Variants in ATP11A observed in about 807,000 individuals in gnomAD.
The protein encoded by ATP11A is phospholipid-transporting ATPase IH.
ATP11A carries 81 observed loss-of-function variants against 154.4 expected under a neutral mutation model. That is an observed-to-expected ratio of 0.52 (90% CI 0.44 to 0.63). The LOEUF (loss-of-function observed/expected upper bound fraction) is 0.63, where lower values mean the gene tolerates loss of function less well. ATP11A is among the 30% of genes least tolerant of loss of function. The probability of loss-of-function intolerance (pLI) is 0.00; values close to 1 mark genes in which losing one functional copy is unlikely to be tolerated. For missense variants in ATP11A, 1,316 were observed against 1,474.3 expected (o/e 0.89, Z 1.76); for synonymous variants, 623 against 585.9 (o/e 1.06, Z -0.91).
At chr13:112,832,556 C>T (rs999849772) in intron 13 of ATP11A, among the ~76,000 whole-genome samples, 4 of 152,304 alleles carry the variant, frequency 2.6e-5, no homozygotes, top group African/African-American at 4.8e-5. Context: ...CCTTCCTGGA[C>T]GCTAGCGGTC....
intron 19 of ATP11A, 122 bp from the exon 20 acceptor site, chr13:112,855,786 CAAG>C: frequency 1.2e-6 from 1 of 851,856 alleles, no homozygotes; most frequent in Non-Finnish European, 1.8e-6. Flanking sequence ...ATTGGTAAAA[CAAG>C]AAACACTAGT....
intron 17 of ATP11A, among the ~76,000 whole-genome samples, chr13:112,847,879 A>T (rs2079651809): frequency 6.6e-6 from 1 of 152,232 alleles, no homozygotes; most frequent in Non-Finnish European, 1.5e-5. Flanking sequence ...TGAGGCCAGA[A>T]GTTTGAGACC....
At chr13:112,835,986 G>C (rs1264693143) in intron 15 of ATP11A, among the ~76,000 whole-genome samples, 192 bp from the exon 16 acceptor site, 1 of 152,220 alleles carries the variant, frequency 6.6e-6, no homozygotes, top group Non-Finnish European at 1.5e-5. Context: ...GGGTACACCT[G>C]CTGCGTCCTT....
intron 1 of ATP11A, among the ~76,000 whole-genome samples, chr13:112,713,318 C>G: frequency 6.6e-6 from 1 of 152,148 alleles, no homozygotes. Flanking sequence ...TTGCTTGAAC[C>G]TGGGAGGCGG....
At chr13:112,800,666 A>G (rs2078109985) in intron 2 of ATP11A, among the ~76,000 whole-genome samples, 1 of 152,192 alleles carries the variant, frequency 6.6e-6, no homozygotes, top group Non-Finnish European at 1.5e-5. Flanking sequence ...GCATTACCCT[A>G]AAACCAAAAC....
At chr13:112,777,897 C>T (rs964908104) in intron 1 of ATP11A, among the ~76,000 whole-genome samples, 10 of 152,242 alleles carry the variant, frequency 6.6e-5, no homozygotes, top group African/African-American at 9.6e-5. Context: ...TCTCCCCCAA[C>T]GCCAGATGTG....
At chr13:112,819,768 G>T (rs1040270453) in intron 7 of ATP11A, 132 bp from the exon 8 acceptor site, 2 of 871,258 alleles carry the variant, frequency 2.3e-6, no homozygotes, top group Non-Finnish European at 3.7e-6. Context: ...GGGCTGGAGC[G>T]GGGCTGCTTT....
intron 1 of ATP11A, among the ~76,000 whole-genome samples, chr13:112,775,245 C>T (rs78284066): frequency 2.3e-3 from 347 of 152,364 alleles, no homozygotes; most frequent in Middle Eastern, 0.017. Flanking sequence ...TGGCAGAACA[C>T]GGCGTGAAGC....
intron 1 of ATP11A, among the ~76,000 whole-genome samples, chr13:112,692,131 C>A (rs564474988): frequency 2.1e-4 from 32 of 152,318 alleles, no homozygotes; most frequent in African/African-American, 7.7e-4. Context: ...TGGGCGGAAG[C>A]TTCTGTTCTC....
In ATP11A at chr13:112,854,483, G is replaced by A; in HGVS notation, c.2196G>A (p.Lys732=). Residue 732 remains lysine (K), a synonymous_variant, in exon 19 of 30, where the codon AAG becomes AAA. Transcript: ENST00000375645. ...ACGACGTCCTGTTCGAGCTGAGCAA[G>A]ACGGTCCTGCGCCACAGCGGGAGCC... is the stretch of plus-strand genomic sequence containing the variant. ...SLHDVLFELS[K]TVLRHSGSLT... 2 of 1,612,456 alleles carry A rather than the reference G, an allele frequency of 1.2e-6. No individual in the cohort carries two copies. Among genetic ancestry groups the A allele is most frequent in the Non-Finnish European group, 1.7e-6 (2 of 1,180,032 alleles).
chr13:112,744,423 G>A (rs971064881), intron 1 of ATP11A, among the ~76,000 whole-genome samples: 4 of 152,200 alleles, frequency 2.6e-5, no homozygotes, highest in Admixed American at 2.6e-4. Flanking sequence ...GTGTGTTGAT[G>A]GATTTCTCTG....
At chr13:112,705,594 C>T (rs1029744981) in intron 1 of ATP11A, among the ~76,000 whole-genome samples, 23 of 152,152 alleles carry the variant, frequency 1.5e-4, no homozygotes, top group Non-Finnish European at 1.3e-4. Flanking sequence ...GACGGGAAGC[C>T]GGCAGGGACC....
intron 1 of ATP11A, among the ~76,000 whole-genome samples, chr13:112,693,466 G>A (rs190490248): frequency 7.8e-4 from 118 of 151,390 alleles, no homozygotes; most frequent in African/African-American, 2.8e-3. Context: ...CTGTGGGTAC[G>A]GGGAGAGGGG....
chr13:112,833,142 A>T lies in ATP11A; in HGVS notation c.1559+119A>T. 6.1e-6 allele frequency: 8 copies of T among 1,305,304 alleles called. No homozygotes were observed. In the South Asian group the frequency reaches 1.0e-4, roughly 16 times the overall value. The allele number at this position is 1,305,304 out of a possible 1,614,324, so 80.9% of individuals were successfully genotyped here. A position where few individuals can be genotyped will look rare whatever the true frequency, so the allele number is the denominator to read the frequency against. ...GCCCCACCCTGTGCCCTCCACACTG[A>T]GCTGTGCTGCCTTTGCACCCAGCTT... On this transcript the variant is annotated intron_variant, in intron 14 of 29. Coordinates refer to ENST00000375645, the MANE Select transcript of ATP11A (RefSeq NM_015205.3).
At chr13:112,804,901 C>T in intron 2 of ATP11A, 56 bp from the exon 3 acceptor site, 1 of 1,115,488 alleles carries the variant, frequency 9.0e-7, no homozygotes, top group Non-Finnish European at 1.3e-6. Flanking sequence ...CCTAGAGTAA[C>T]ACTACAAGAG....
intron 1 of ATP11A, among the ~76,000 whole-genome samples, chr13:112,758,282 G>A (rs2076887788): frequency 2.0e-5 from 3 of 151,812 alleles, no homozygotes; most frequent in South Asian, 2.1e-4. Context: ...GGCTGGTCTC[G>A]AACTCCTGAC....
intron 1 of ATP11A, among the ~76,000 whole-genome samples, chr13:112,771,408 C>T (rs1028044034): frequency 2.0e-5 from 3 of 152,218 alleles, no homozygotes; most frequent in South Asian, 4.1e-4. Flanking sequence ...ACTGTATTTG[C>T]GCTGGTGGGA....
In ATP11A at chr13:112,834,645, A is replaced by C. The variant is rs777303918; in HGVS notation, c.1616A>C (p.Glu539Ala). ...AATTACATGGAGATATTAAACAGGGAGAACCACATCGAAAGGTATGTGCAG... is the reference window on the plus strand; with the variant it reads ...AATTACATGGAGATATTAAACAGGGCGAACCACATCGAAAGGTATGTGCAG... The part of the protein sequence containing the change: ...KDNYMEILNR[E>A]NHIERFELLE... The change falls in exon 15 of 30, where the codon GAG (glutamate) becomes GCG (alanine). Residue 539 changes from glutamate (E) to alanine (A), a missense_variant. Physicochemically the swap from Glu to Ala is moderately radical, Grantham distance 107. Coordinates refer to ENST00000375645, the MANE Select transcript of ATP11A (RefSeq NM_015205.3). 5.0e-6 allele frequency: 8 copies of C among 1,613,722 alleles called. No homozygotes were observed. The highest frequency in any genetic ancestry group is 5.9e-6 in the Non-Finnish European group (7 of 1,179,732).
intron 2 of ATP11A, among the ~76,000 whole-genome samples, chr13:112,792,551 C>T (rs975109244): frequency 6.6e-6 from 1 of 152,098 alleles, no homozygotes. Flanking sequence ...TGGAAGAAGT[C>T]GTAATAGAGG....
Sources: gnomAD v4.1 joint callset for allele counts (sites outside exome capture counted in the v4.1 genomes callset) on GRCh38, gnomAD v4.1.1 for gene constraint, MANE v1.5 for transcripts, NCBI Gene and HGNC (gene_info 2026-07-23, HGNC 2026-07-21) for gene names.